Variants in ELF1 observed in about 807,000 individuals in gnomAD.
ELF1 encodes E74 like ETS transcription factor 1.
A neutral mutation model predicts 59.9 loss-of-function variants in ELF1; 24 were observed. The observed-to-expected ratio is 0.40, with a 90% CI of 0.29 to 0.56. The LOEUF is 0.56. Among genes scored for constraint, ELF1 ranks in the 20% least tolerant of loss-of-function variants. The pLI, the probability that ELF1 is intolerant of heterozygous loss-of-function variation, is 0.44. For synonymous variants in ELF1, 248 were observed against 266.2 expected, an observed-to-expected ratio of 0.93 and a Z score of 0.67; for missense variants, 627 against 742.2, an observed-to-expected ratio of 0.84 and a Z score of 1.80.
chr13:41,045,863 T>C (rs950190975), intron 1 of ELF1, among the ~76,000 whole-genome samples: 2 of 152,232 alleles, frequency 1.3e-5, no homozygotes, highest in African/African-American at 4.8e-5. Flanking sequence ...CTCATTGATC[T>C]GTCTAATGTT....
At chr13:41,057,006 T>C (rs1230655971) in intron 1 of ELF1, among the ~76,000 whole-genome samples, 1 of 152,182 alleles carries the variant, frequency 6.6e-6, no homozygotes. Flanking sequence ...TGAGGTTAGA[T>C]GGGTAAAGTC....
intron 1 of ELF1, among the ~76,000 whole-genome samples, chr13:41,052,424 T>C (rs546881711): frequency 1.3e-5 from 2 of 152,348 alleles, no homozygotes; most frequent in East Asian, 1.9e-4. Flanking sequence ...AAGTTCATTG[T>C]CATTTACAAT....
Position 40,958,959 on chromosome 13 carries a change from T to C in ELF1, c.130A>G (p.Ile44Val). 1.2e-6 allele frequency: 2 copies of C among 1,613,878 alleles called. No individual in the cohort carries two copies. The highest frequency in any genetic ancestry group is 1.7e-6 in the Non-Finnish European group (2 of 1,179,890). The change falls in exon 3 of 9, where the codon ATT (isoleucine) becomes GTT (valine). Residue 44 changes from isoleucine (I) to valine (V), a missense_variant. By Grantham distance (29) the Ile-to-Val change is conservative (BLOSUM62 3). Around this residue, in one of 3 missense-constraint regions of ELF1, gnomAD observed 232 missense variants for 269.2 expected, o/e 0.86. Coordinates refer to ENST00000239882, the MANE Select transcript of ELF1 (RefSeq NM_172373.4). ...GCTAGACCGGCATAACTATTGAGAATATCAGCACCAGGAACATGTTCCACA... is the reference window on the plus strand; with the variant it reads ...GCTAGACCGGCATAACTATTGAGAACATCAGCACCAGGAACATGTTCCACA... Reference protein sequence around the residue: ...VIVEHVPGADILNSYAGLACV... With the variant: ...VIVEHVPGADVLNSYAGLACV...
chr13:41,054,153 T>C (rs1877204873), intron 1 of ELF1, among the ~76,000 whole-genome samples: 1 of 152,208 alleles, frequency 6.6e-6, no homozygotes, highest in Admixed American at 6.5e-5. Flanking sequence ...ATATGAAATT[T>C]CTAGAGCAAA....
chr13:41,045,668 T>TTTACATTTGCTGAGGAGAGCTTTAC (rs1270386603), intron 1 of ELF1, among the ~76,000 whole-genome samples: 1 of 152,196 alleles, frequency 6.6e-6, no homozygotes, highest in African/African-American at 2.4e-5. Flanking sequence ...TTTCTGTTCT[T>TTTACATTTGCTGAGGAGAGCTTTAC]TTACATTTGC....
intron 1 of ELF1, among the ~76,000 whole-genome samples, chr13:41,013,211 A>C (rs1168157824): frequency 6.6e-6 from 1 of 152,172 alleles, no homozygotes; most frequent in Non-Finnish European, 1.5e-5. Flanking sequence ...AAGATAATGA[A>C]GAACTCTAAA....
chr13:41,019,353 A>G, upstream of ELF1: 1 of 985,460 alleles, frequency 1.0e-6, no homozygotes, highest in Non-Finnish European at 1.2e-6. Context: ...TATGAGTCAT[A>G]CATGAAACCA....
intron 2 of ELF1, among the ~76,000 whole-genome samples, chr13:40,973,570 C>T (rs1002020602): frequency 1.3e-5 from 2 of 151,402 alleles, no homozygotes; most frequent in African/African-American, 4.8e-5. Flanking sequence ...AAAACTAAGA[C>T]ACATCAAAGG....
chr13:40,992,868 G>A (rs1180035381), intron 1 of ELF1: 2 of 577,054 alleles, frequency 3.5e-6, no homozygotes, highest in Admixed American at 3.1e-5. Flanking sequence ...TCTCTAGCTC[G>A]AGAATCAAGA....
chr13:41,017,811 A>G (rs1003047330), intron 1 of ELF1, among the ~76,000 whole-genome samples: 2 of 152,162 alleles, frequency 1.3e-5, no homozygotes, highest in African/African-American at 2.4e-5. Flanking sequence ...AAAAAATAGA[A>G]AAGTCTTCAT....
intron 8 of ELF1, among the ~76,000 whole-genome samples, chr13:40,938,318 G>A (rs1464378303): frequency 3.9e-5 from 6 of 152,138 alleles, no homozygotes; most frequent in African/African-American, 7.2e-5. Context: ...TGTAAAAACT[G>A]AGCATATATA....
intron 2 of ELF1, among the ~76,000 whole-genome samples, chr13:40,977,042 A>G (rs1202669554): frequency 6.6e-6 from 1 of 152,164 alleles, no homozygotes; most frequent in Non-Finnish European, 1.5e-5. Flanking sequence ...ATTTGCCAGA[A>G]ATTCTACTTT....
intron 1 of ELF1, among the ~76,000 whole-genome samples, chr13:40,993,704 C>G (rs1294303766): frequency 6.6e-6 from 1 of 152,020 alleles, no homozygotes; most frequent in Non-Finnish European, 1.5e-5. Context: ...AGGCTGATCT[C>G]AAACTTCTGA....
chr13:40,933,668 A>G lies in ELF1; in HGVS notation c.1617T>C (p.Pro539=). The part of the protein sequence containing the change: ...SATAPVVTFS[P]RSSQLVAHPP... ...GGTGAGCAACCAGCTGTGAACTGCGAGGAGAAAAGGTCACCACAGGTGCAG... is the reference window on the plus strand; with the variant it reads ...GGTGAGCAACCAGCTGTGAACTGCGGGGAGAAAAGGTCACCACAGGTGCAG... The change falls in exon 9 of 9, where the codon CCT becomes CCC. Residue 539 remains proline (P), a synonymous_variant. Transcript: ENST00000239882. 1 of 1,614,244 alleles carries G rather than the reference A, an allele frequency of 6.2e-7. No individual in the cohort carries two copies. The highest frequency in any genetic ancestry group is 8.5e-7 in the Non-Finnish European group (1 of 1,180,032).
intron 1 of ELF1, among the ~76,000 whole-genome samples, chr13:41,012,090 T>C (rs928553743): frequency 4.6e-5 from 7 of 151,966 alleles, no homozygotes; most frequent in African/African-American, 1.7e-4. Flanking sequence ...GCGGATCACT[T>C]CAGGTCAGGA....
chr13:40,970,874 G>C (rs916933655), intron 2 of ELF1, among the ~76,000 whole-genome samples: 2 of 152,034 alleles, frequency 1.3e-5, no homozygotes, highest in Admixed American at 1.3e-4. Flanking sequence ...TCTGTCTTTG[G>C]GAGTCTTTCA....
intron 1 of ELF1, among the ~76,000 whole-genome samples, chr13:40,989,338 T>G (rs540086666): frequency 1.9e-4 from 29 of 152,298 alleles, no homozygotes; most frequent in African/African-American, 6.5e-4. Context: ...ATCATTTCAT[T>G]GCACTCAGTG....
At chr13:40,955,323 T>TG (rs1224172470) in intron 3 of ELF1, among the ~76,000 whole-genome samples, 1 of 124,088 alleles carries the variant, frequency 8.1e-6, no homozygotes, top group Non-Finnish European at 1.7e-5. Context: ...GGAAGGGAGG[T>TG]GGGGGGGTTA....
At chr13:41,009,923 AATGT>A (rs1317893087) in intron 1 of ELF1, among the ~76,000 whole-genome samples, 1 of 152,018 alleles carries the variant, frequency 6.6e-6, no homozygotes, top group Non-Finnish European at 1.5e-5. Context: ...ATATTCTTAA[AATGT>A]ATTGAGGACC....
Sources: gnomAD v4.1 joint callset for allele counts (sites outside exome capture counted in the v4.1 genomes callset) on GRCh38, gnomAD v4.1.1 for gene constraint, gnomAD v4.1.1 regional missense constraint, MANE v1.5 for transcripts, NCBI Gene and HGNC (gene_info 2026-07-23, HGNC 2026-07-21) for gene names.